DESI2: variants seen among roughly 807,000 people sequenced by gnomAD.
DESI2 encodes deubiquitinase DESI2.
DESI2 carries 10 observed loss-of-function variants against 24.1 expected under a neutral mutation model. The ratio of observed to expected loss-of-function variants is 0.41; its 90% CI spans 0.26 to 0.70. DESI2 has a LOEUF of 0.70. DESI2 is among the 30% of genes least tolerant of loss of function. The probability of loss-of-function intolerance (pLI) is 0.29; values close to 1 mark genes in which losing one functional copy is unlikely to be tolerated. For synonymous variants in DESI2, 71 were observed against 87.7 expected (o/e 0.81, Z 1.06); for missense variants, 122 against 234.9 (o/e 0.52, Z 3.14).
chr1:244,699,848 C>T (rs1053966061), intron 4 of DESI2, among the ~76,000 whole-genome samples: 2 of 152,182 alleles, frequency 1.3e-5, no homozygotes, highest in Non-Finnish European at 2.9e-5. Flanking sequence ...AACTTCCATG[C>T]TACCTTTTTA....
chr1:244,686,856 G>A (rs530454351), intron 2 of DESI2, among the ~76,000 whole-genome samples, 187 bp downstream of exon 2: 190 of 152,112 alleles, frequency 1.2e-3, no homozygotes, highest in Non-Finnish European at 2.4e-3. Context: ...ATGTATTTGG[G>A]GAGAAAGTAC....
At chr1:244,656,534 C>G (rs1025638080) in intron 1 of DESI2, 31 of 152,234 alleles carry the variant, frequency 2.0e-4, no homozygotes, top group African/African-American at 7.2e-4. Context: ...CTTTCTGAGT[C>G]GTGGGAATGA....
At position 244,701,221 on chromosome 1, in the gene DESI2, C is replaced by A. The variant is rs760338438; in HGVS notation, c.352-4335C>A. On this transcript the variant is annotated intron_variant, in intron 4 of 4. Transcript: ENST00000302550. ...CTGGACCACCTTCCCCTCCACCCCC[C>A]CCCCCCCCCCCCCGCCCTTTTAACT... Among the ~76,000 whole-genome samples, 4 of 73,784 alleles carry A rather than the reference C, an allele frequency of 5.4e-5. 1 individual carries two copies. Among genetic ancestry groups the A allele is most frequent in the African/African-American group, 2.2e-4 (3 of 13,510 alleles). 48.4% of individuals were successfully genotyped at this position (73,784 alleles called of 152,430 possible). A position where few individuals can be genotyped will look rare whatever the true frequency, so the allele number is the denominator to read the frequency against.
At chr1:244,660,463 G>A (rs1457264543) in intron 1 of DESI2, among the ~76,000 whole-genome samples, 1 of 152,198 alleles carries the variant, frequency 6.6e-6, no homozygotes, top group Non-Finnish European at 1.5e-5. Context: ...ACCGCACCCG[G>A]TCGGATTTTT....
intron 1 of DESI2, among the ~76,000 whole-genome samples, chr1:244,671,226 G>A (rs189517621): frequency 2.0e-5 from 3 of 152,168 alleles, no homozygotes; most frequent in African/African-American, 4.8e-5. Context: ...AAATGAAAAC[G>A]TCTGATTGTT....
chr1:244,653,520 C>G, intron 1 of DESI2, 165 bp downstream of exon 1: 1 of 653,026 alleles, frequency 1.5e-6, no homozygotes, highest in South Asian at 2.3e-5. Flanking sequence ...ATTTTTTAAT[C>G]CTCGCACTCG....
chr1:244,700,141 A>T (rs559983714), intron 4 of DESI2, among the ~76,000 whole-genome samples: 2 of 152,186 alleles, frequency 1.3e-5, no homozygotes, highest in African/African-American at 4.8e-5. Context: ...ATTTTGTTTC[A>T]TACCCTTTCG....
At chr1:244,687,269 A>T (rs1041520867) in intron 2 of DESI2, among the ~76,000 whole-genome samples, 2 of 152,188 alleles carry the variant, frequency 1.3e-5, no homozygotes, top group African/African-American at 4.8e-5. Context: ...CTTTATTAGG[A>T]TAAACATGTC....
At chr1:244,698,505 G>A (rs1024438964) in intron 4 of DESI2, among the ~76,000 whole-genome samples, 1 of 152,184 alleles carries the variant, frequency 6.6e-6, no homozygotes, top group African/African-American at 2.4e-5. Flanking sequence ...GCTTGGCCTT[G>A]GAAACATGAC....
At chr1:244,676,315 G>A (rs957519532) in intron 1 of DESI2, among the ~76,000 whole-genome samples, 7 of 151,876 alleles carry the variant, frequency 4.6e-5, no homozygotes, top group African/African-American at 1.7e-4. Context: ...TGACCTCCGT[G>A]ATCCGCCCGC....
In DESI2 at chr1:244,700,617, C is replaced by T. The variant is rs1055822951; in HGVS notation, c.352-4939C>T. On this transcript the variant is annotated intron_variant, in intron 4 of 4. Coordinates refer to ENST00000302550, the MANE Select transcript of DESI2 (RefSeq NM_016076.5). ...ACTGAATTGATAATTGTTTCTAGCT[C>T]CTCACCCCCACCAGTAGATGAAACT... Among the ~76,000 whole-genome samples the T allele has an allele frequency of 3.9e-5, 6 of 152,264 alleles. No individual in the cohort carries two copies. The South Asian group carries it at 8.3e-4, about 21-fold the overall frequency.
intron 1 of DESI2, among the ~76,000 whole-genome samples, chr1:244,670,154 A>G (rs1276636153): frequency 1.3e-5 from 2 of 152,008 alleles, no homozygotes; most frequent in African/African-American, 4.8e-5. Context: ...ATGGGGTTTC[A>G]TCATATTGGT....
At chr1:244,664,020 GAAAAAAAAA>G (rs34195856) in intron 1 of DESI2, among the ~76,000 whole-genome samples, 12 of 89,382 alleles carry the variant, frequency 1.3e-4, no homozygotes, top group Admixed American at 2.8e-4. Context: ...TCCGTCTCAG[GAAAAAAAAA>G]AAAAAAAAAA....
intron 1 of DESI2, among the ~76,000 whole-genome samples, chr1:244,686,247 ACT>A (rs1491225167): frequency 2.8e-5 from 4 of 141,324 alleles, no homozygotes; most frequent in East Asian, 2.1e-4. Flanking sequence ...ATGAAAGCAC[ACT>A]CTGTGTGTGT....
At chr1:244,698,057 G>A (rs1053804342) in intron 4 of DESI2, among the ~76,000 whole-genome samples, 1 of 152,202 alleles carries the variant, frequency 6.6e-6, no homozygotes, top group Non-Finnish European at 1.5e-5. Context: ...GGGCCAGGGT[G>A]GGGTAGCGGG....
intron 4 of DESI2, among the ~76,000 whole-genome samples, chr1:244,704,885 C>G (rs1333219374): frequency 6.6e-6 from 1 of 152,174 alleles, no homozygotes; most frequent in Non-Finnish European, 1.5e-5. Flanking sequence ...GTCTCGAACT[C>G]CTGACCTCGT....
At chr1:244,700,504 C>T (rs1434180153) in intron 4 of DESI2, among the ~76,000 whole-genome samples, 1 of 152,088 alleles carries the variant, frequency 6.6e-6, no homozygotes, top group Admixed American at 6.6e-5. Context: ...ATTCCAGGCT[C>T]ATCTACATAT....
intron 1 of DESI2, 109 bp downstream of exon 1, chr1:244,653,464 A>G: frequency 8.5e-7 from 1 of 1,172,550 alleles, no homozygotes; most frequent in Non-Finnish European, 1.2e-6. Context: ...CTCCGCCTCC[A>G]GCCTAGTTCT....
At chr1:244,686,548 G>C (rs1676830528) in intron 1 of DESI2, 49 bp from the exon 2 acceptor site, 1 of 1,209,006 alleles carries the variant, frequency 8.3e-7, no homozygotes, top group Admixed American at 1.7e-5. Flanking sequence ...CGCGGAGTTG[G>C]GTTGTAAATG....
Sources: allele counts gnomAD v4.1 joint callset (sites outside exome capture counted in the v4.1 genomes callset), GRCh38; gene constraint gnomAD v4.1.1; transcripts MANE v1.5; gene names NCBI Gene and HGNC (gene_info 2026-07-23, HGNC 2026-07-21).